The following NCAM2 variants were observed in gnomAD, a reference collection of about 807,000 sequenced individuals.
NCAM2 encodes the protein N-CAM-2.
In NCAM2, 30 loss-of-function variants were observed where a neutral mutation model predicts 98.1. The observed-to-expected ratio is 0.31, with a 90% CI of 0.23 to 0.41. The LOEUF is 0.41. Among genes scored for constraint, NCAM2 ranks in the 10% least tolerant of loss-of-function variants. The pLI is 1.00. For synonymous variants in NCAM2, 368 were observed against 342.4 expected, an observed-to-expected ratio of 1.07 and a Z score of -0.83; for missense variants, 867 against 1,005.8, an observed-to-expected ratio of 0.86 and a Z score of 1.87.
At chr21:21,444,237 G>A (rs1228392951) in intron 12 of NCAM2, among the ~76,000 whole-genome samples, 1 of 152,178 alleles carries the variant, frequency 6.6e-6, no homozygotes, top group Non-Finnish European at 1.5e-5. Context: ...CAGTTTGCCA[G>A]TATTTTATTG....
At chr21:21,335,814 A>G (rs558044206) in intron 7 of NCAM2, 149 bp downstream of exon 7, 35 of 771,378 alleles carry the variant, frequency 4.5e-5, no homozygotes, top group Non-Finnish European at 6.0e-5. Context: ...CAGCTACCAG[A>G]TAGAATTTTT....
chr21:21,494,683 A>G (rs1484966558), intron 15 of NCAM2, among the ~76,000 whole-genome samples: 1 of 151,952 alleles, frequency 6.6e-6, no homozygotes, highest in East Asian at 1.9e-4. Flanking sequence ...TATATGTGCC[A>G]AAATGATCTC....
intron 15 of NCAM2, among the ~76,000 whole-genome samples, chr21:21,479,583 CAAAAAAAAAA>C (rs1156588500): frequency 1.6e-4 from 5 of 30,968 alleles, no homozygotes; most frequent in Non-Finnish European, 2.7e-4. Context: ...GACTGCGTCT[CAAAAAAAAAA>C]AAAAAAAAAA....
intron 1 of NCAM2, among the ~76,000 whole-genome samples, chr21:21,048,935 A>G (rs964052951): frequency 5.3e-5 from 8 of 152,114 alleles, no homozygotes; most frequent in Non-Finnish European, 1.2e-4. Flanking sequence ...CTCTCATAAG[A>G]TAATCACAAA....
At chr21:21,079,142 T>A (rs1373105631) in intron 1 of NCAM2, among the ~76,000 whole-genome samples, 1 of 152,158 alleles carries the variant, frequency 6.6e-6, no homozygotes, top group Non-Finnish European at 1.5e-5. Context: ...ATGGCACAGG[T>A]ATATCTATGT....
intron 8 of NCAM2, among the ~76,000 whole-genome samples, chr21:21,356,250 T>C (rs1029181321): frequency 6.6e-6 from 1 of 152,182 alleles, no homozygotes; most frequent in African/African-American, 2.4e-5. Flanking sequence ...TTCATTATTA[T>C]ATTATTGTTT....
intron 14 of NCAM2, among the ~76,000 whole-genome samples, chr21:21,470,649 C>T (rs571006314): frequency 6.6e-6 from 1 of 152,148 alleles, no homozygotes; most frequent in South Asian, 2.1e-4. Flanking sequence ...GTGCTTACCA[C>T]GCCAATAAAA....
At chr21:21,356,043 C>A (rs946819313) in intron 8 of NCAM2, among the ~76,000 whole-genome samples, 6 of 152,100 alleles carry the variant, frequency 3.9e-5, no homozygotes, top group African/African-American at 1.2e-4. Flanking sequence ...ATTTCCTCCA[C>A]GAATTTAGAC....
In NCAM2 at chr21:21,432,258, T is replaced by C. The variant is rs768962195; in HGVS notation, c.1631T>C (p.Ile544Thr). ...VKEVASEIWK[I>T]VRSHGVQTMV... ...GAAGTAGCGTCAGAAATCTGGAAAA[T>C]TGTACGCTCCCATGGAGTTCAAAGT... Residue 544 changes from isoleucine to threonine, a missense_variant, in exon 12 of 18, where the codon ATT becomes ACT. Around this residue, in one of 5 missense-constraint regions of NCAM2, gnomAD observed 234 missense variants for 333.8 expected, o/e 0.70. Coordinates refer to ENST00000400546, the MANE Select transcript of NCAM2 (RefSeq NM_004540.5). 108 of 1,613,894 alleles carry C rather than the reference T, an allele frequency of 6.7e-5. No homozygotes were observed. Among genetic ancestry groups the C allele is most frequent in the Non-Finnish European group, 8.6e-5 (101 of 1,179,970 alleles).
At chr21:21,473,394 T>TATATATATATA (rs1984730061) in intron 14 of NCAM2, among the ~76,000 whole-genome samples, 1 of 99,870 alleles carries the variant, frequency 1.0e-5, no homozygotes, top group African/African-American at 3.6e-5. Flanking sequence ...ATATATATAT[T>TATATATATATA]ATATATAAAA....
chr21:21,472,713 A>C (rs1984602630), intron 14 of NCAM2, among the ~76,000 whole-genome samples: 1 of 151,920 alleles, frequency 6.6e-6, no homozygotes, highest in South Asian at 2.1e-4. Flanking sequence ...TGCACTGCCA[A>C]TGTTTATAGA....
At chr21:21,036,997 C>G (rs775985515) in intron 1 of NCAM2, among the ~76,000 whole-genome samples, 6 of 152,144 alleles carry the variant, frequency 3.9e-5, no homozygotes, top group Non-Finnish European at 8.8e-5. Context: ...TTTAGGCCCA[C>G]TAAATAGCAA....
chr21:21,247,341 T>G (rs2071316249), intron 1 of NCAM2, among the ~76,000 whole-genome samples: 1 of 152,118 alleles, frequency 6.6e-6, no homozygotes, highest in Non-Finnish European at 1.5e-5. Context: ...CAACAAACTT[T>G]AATTAAACAG....
chr21:21,253,269 T>C (rs1260251933), intron 1 of NCAM2, among the ~76,000 whole-genome samples: 1 of 152,220 alleles, frequency 6.6e-6, no homozygotes, highest in African/African-American at 2.4e-5. Context: ...TGGGTTCATT[T>C]TGGTAATTTT....
In NCAM2 at chr21:21,072,553, GATAA is replaced by G. The variant is rs1238164185; in HGVS notation, c.55+73942_55+73945del. 4.6e-5 allele frequency among the ~76,000 whole-genome samples: 7 copies of G among 152,184 alleles called. No homozygotes were observed. The East Asian group carries it at 1.4e-3, about 29-fold the overall frequency. ...CATTAAAAAGTTTTATAGAGGACCA[GATAA>G]ATAAATTAGACTTTTTGCTGGTAGG... On this transcript the variant is annotated intron_variant, in intron 1 of 17. Coordinates refer to ENST00000400546, the MANE Select transcript of NCAM2 (RefSeq NM_004540.5).
intron 1 of NCAM2, among the ~76,000 whole-genome samples, chr21:21,061,292 G>T (rs1037851814): frequency 3.9e-5 from 6 of 152,076 alleles, no homozygotes; most frequent in Non-Finnish European, 8.8e-5. Flanking sequence ...TTATTGCTGG[G>T]GCTTGGCTTA....
chr21:21,514,386 G>A (rs375017457), intron 16 of NCAM2, among the ~76,000 whole-genome samples: 2 of 145,556 alleles, frequency 1.4e-5, no homozygotes, highest in Non-Finnish European at 3.0e-5. Context: ...TGAGGCAGGA[G>A]AATCACTTGA....
intron 1 of NCAM2, among the ~76,000 whole-genome samples, chr21:21,114,021 T>G (rs2066504141): frequency 6.6e-6 from 1 of 152,228 alleles, no homozygotes; most frequent in African/African-American, 2.4e-5. Context: ...TCAATTTTGC[T>G]GTAGCTTGTG....
intron 13 of NCAM2, among the ~76,000 whole-genome samples, chr21:21,467,918 GAAAT>G (rs1005829254): frequency 2.6e-5 from 4 of 151,934 alleles, no homozygotes; most frequent in African/African-American, 9.7e-5. Context: ...CTGCTGAGAA[GAAAT>G]AACAGGTCAT....
Sources: allele counts gnomAD v4.1 joint callset (sites outside exome capture counted in the v4.1 genomes callset), GRCh38; gene constraint gnomAD v4.1.1; regional missense constraint gnomAD v4.1.1; transcripts MANE v1.5; gene names NCBI Gene and HGNC (gene_info 2026-07-23, HGNC 2026-07-21).